Variants in TRPM4 observed in about 807,000 individuals in gnomAD.
TRPM4 encodes transient receptor potential cation channel subfamily M member 4.
A neutral mutation model predicts 135.6 loss-of-function variants in TRPM4; 124 were observed. That is an observed-to-expected ratio of 0.91 (90% CI 0.79 to 1.06). The LOEUF is 1.06. Ranked by LOEUF, TRPM4 falls within the 50% of genes least tolerant of loss-of-function variation. The probability of loss-of-function intolerance (pLI) is 0.00; values close to 1 mark genes in which losing one functional copy is unlikely to be tolerated. For synonymous variants in TRPM4, 745 were observed against 705.6 expected, an observed-to-expected ratio of 1.06 and a Z score of -0.88; for missense variants, 1,658 against 1,671.4, an observed-to-expected ratio of 0.99 and a Z score of 0.14.
intron 16 of TRPM4, among the ~76,000 whole-genome samples, chr19:49,194,974 C>A (rs370828893): frequency 1.3e-5 from 2 of 150,348 alleles, no homozygotes; most frequent in Non-Finnish European, 3.0e-5. Flanking sequence ...GTTGCCCAGG[C>A]TGGTGTTGAA....
chr19:49,158,350 C>A lies in TRPM4; in HGVS notation c.92+91C>A. On this transcript the variant is annotated intron_variant, in intron 2 of 24. Transcript: ENST00000252826. The stretch of plus-strand genomic sequence containing the variant: ...TCACGCCCCAGCCCTGCTCCTTCCC[C>A]ATTCCTGGACTCGGGGACCTTCCCA... 2.5e-6 allele frequency: 3 copies of A among 1,195,570 alleles called. No homozygotes were observed. The South Asian group carries it at 3.6e-5, about 14-fold the overall frequency. The allele number at this position is 1,195,570 out of a possible 1,614,324, so 74.1% of individuals were successfully genotyped here.
intron 17 of TRPM4, 29 bp downstream of exon 17, chr19:49,196,903 G>A (rs758541742): frequency 1.3e-6 from 2 of 1,546,630 alleles, no homozygotes; most frequent in Non-Finnish European, 1.7e-6. Context: ...TGGAACCCTG[G>A]CCCCTGGCCA....
chr19:49,180,821 C>G (rs964668947), intron 9 of TRPM4, among the ~76,000 whole-genome samples: 1 of 152,002 alleles, frequency 6.6e-6, no homozygotes, highest in African/African-American at 2.4e-5. Context: ...TCTATCCACC[C>G]TGTACATCCA....
Position 49,210,667 on chromosome 19 carries a change from A to C in TRPM4, c.3329-43A>C. The C allele has an allele frequency of 6.2e-7, 1 of 1,613,620 alleles. No homozygotes were observed. The highest frequency in any genetic ancestry group is 8.5e-7 in the Non-Finnish European group (1 of 1,179,938). On this transcript the variant is annotated intron_variant, in intron 21 of 24. Coordinates refer to ENST00000252826, the MANE Select transcript of TRPM4 (RefSeq NM_017636.4). The surrounding 1 kb of genome is among the most constrained non-coding windows in gnomAD (Gnocchi z 4.1). The stretch of plus-strand genomic sequence containing the variant: ...GTCGGAAGGGGCAGCTGGGATTGGG[A>C]AGGGGCGTGGCCTGAGCCCTTTGAC...
intron 10 of TRPM4, 142 bp from the exon 11 acceptor site, chr19:49,182,436 T>TCATCCATCCATCCACCCATCCATC (rs1968004724): frequency 1.6e-6 from 1 of 637,916 alleles, no homozygotes; most frequent in African/African-American, 2.8e-5. Flanking sequence ...ACCTATCCAT[T>TCATCCATCCATCCACCCATCCATC]CATCCATCCA....
intron 2 of TRPM4, among the ~76,000 whole-genome samples, chr19:49,160,253 G>A (rs773688232): frequency 6.6e-6 from 1 of 152,222 alleles, no homozygotes; most frequent in Admixed American, 6.5e-5. Flanking sequence ...CAATCTGGGA[G>A]GCCGAGGCGG....
chr19:49,189,202 C>T lies in TRPM4; in HGVS notation c.2019+111C>T, dbSNP rs371123353. 2.3e-4 allele frequency: 341 copies of T among 1,471,652 alleles called. 3 individuals are homozygous for T. The African/African-American group carries it at 4.0e-3, about 17-fold the overall frequency. The allele number at this position is 1,471,652 out of a possible 1,614,324, so 91.2% of individuals were successfully genotyped here. Reference sequence around the variant, plus strand: ...CTATGGTCTTGACCAGCCACTCTCCCTGGAGATCCCCCAGAAAGTCTCTCT... The same window carrying T: ...CTATGGTCTTGACCAGCCACTCTCCTTGGAGATCCCCCAGAAAGTCTCTCT... On this transcript the variant is annotated intron_variant, in intron 14 of 24. Transcript: ENST00000252826.
chr19:49,189,705 G>A (rs2122991009), intron 14 of TRPM4, among the ~76,000 whole-genome samples: 1 of 152,172 alleles, frequency 6.6e-6, no homozygotes, highest in South Asian at 2.1e-4. Context: ...AATCTGACAG[G>A]GGCTCAGAGT....
In TRPM4 at chr19:49,190,191, C is replaced by T; in HGVS notation, c.2020-17C>T. 1 of 1,609,272 alleles carries T rather than the reference C, an allele frequency of 6.2e-7. No homozygotes were observed. The highest frequency in any genetic ancestry group is 8.5e-7 in the Non-Finnish European group (1 of 1,175,606). The stretch of plus-strand genomic sequence containing the variant: ...TGTGGGGGAGATTTGGATCCTAATC[C>T]TTCCCACCCCCCACAGTCTCTGCTG... On this transcript the variant is annotated splice_polypyrimidine_tract_variant and intron_variant, in intron 14 of 24. Coordinates refer to ENST00000252826, the MANE Select transcript of TRPM4 (RefSeq NM_017636.4).
rs760314477 is a variant in TRPM4 at position 49,168,319 on chromosome 19, G to A, written c.508G>A (p.Val170Ile). Residue 170 changes from valine (V) to isoleucine (I), a missense_variant, in exon 5 of 25, where the codon GTA becomes ATA. By Grantham distance (29) the Val-to-Ile change is conservative. This residue lies in a region of TRPM4 where 239 missense variants were observed against 240.1 expected (regional missense o/e 1.00). Transcript: ENST00000252826. ...CATCGGCCGGCATGTTGGTGTGGCT[G>A]TACGGGACCATCAGATGGCCAGCAC... ...TGIGRHVGVA[V>I]RDHQMASTGG... 1.9e-6 allele frequency: 3 copies of A among 1,614,160 alleles called. No homozygotes were observed. Among genetic ancestry groups the A allele is most frequent in the Non-Finnish European group, 2.5e-6 (3 of 1,180,040 alleles).
chr19:49,211,620 C>A lies in TRPM4; in HGVS notation c.*122C>A. On this transcript the variant is annotated 3_prime_UTR_variant, in exon 25 of 25. Coordinates refer to ENST00000252826, the MANE Select transcript of TRPM4 (RefSeq NM_017636.4). This position sits in a 1 kb window ranked among gnomAD's most constrained non-coding sequence, Gnocchi z 4.8. ...TCCTTGAGGTGAGCCCCATGTCCAT[C>A]TGGGCCACTGTCAGGACCACCTTTG... The A allele has an allele frequency of 7.0e-6, 9 of 1,282,970 alleles. No individual in the cohort carries two copies. Among genetic ancestry groups the A allele is most frequent in the South Asian group, 1.2e-5 (1 of 84,296 alleles). The allele number at this position is 1,282,970 out of a possible 1,614,324, so 79.5% of individuals were successfully genotyped here.
At chr19:49,203,475 G>A (rs776157097) in intron 20 of TRPM4, among the ~76,000 whole-genome samples, 8 of 152,152 alleles carry the variant, frequency 5.3e-5, no homozygotes, top group Admixed American at 1.3e-4. Flanking sequence ...CACCGCGGCC[G>A]GAGTTGATTT....
chr19:49,190,428 C>T, intron 15 of TRPM4, 108 bp downstream of exon 15: 3 of 1,046,826 alleles, frequency 2.9e-6, no homozygotes, highest in Non-Finnish European at 4.4e-6. Context: ...TGTGTCCCTT[C>T]CCTAGGAATG....
intron 17 of TRPM4, among the ~76,000 whole-genome samples, chr19:49,199,333 A>G (rs959935043): frequency 6.6e-6 from 1 of 151,992 alleles, no homozygotes; most frequent in Non-Finnish European, 1.5e-5. Flanking sequence ...ATCTCGGCTC[A>G]CTGCAACCTC....
Position 49,171,451 on chromosome 19 carries a change from G to T in TRPM4, c.858+33G>T. The T allele has an allele frequency of 1.2e-6, 2 of 1,613,872 alleles. No individual in the cohort carries two copies. The highest frequency in any genetic ancestry group is 1.7e-6 in the Non-Finnish European group (2 of 1,179,848). On this transcript the variant is annotated intron_variant, in intron 7 of 24. Transcript: ENST00000252826. The surrounding 1 kb of genome is among the most constrained non-coding windows in gnomAD (Gnocchi z 4.7). ...GGCCCGGATGCCCGGATCTAAGGGGGAAGGAGGGTTGGGGGCCAGGACTCC... is the reference window on the plus strand; with the variant it reads ...GGCCCGGATGCCCGGATCTAAGGGGTAAGGAGGGTTGGGGGCCAGGACTCC...
chr19:49,177,854 G>A (rs954053903), intron 9 of TRPM4, among the ~76,000 whole-genome samples: 4 of 152,142 alleles, frequency 2.6e-5, no homozygotes, highest in Non-Finnish European at 5.9e-5. Context: ...CATTGCAAGG[G>A]GCATGTTTGG....
rs554934250 is a variant in TRPM4 at position 49,211,621 on chromosome 19, T to A, written c.*123T>A. 1 of 1,283,592 alleles carries A rather than the reference T, an allele frequency of 7.8e-7. No individual in the cohort carries two copies. Among genetic ancestry groups the A allele is most frequent in the Non-Finnish European group, 1.1e-6 (1 of 887,096 alleles). The allele number at this position is 1,283,592 out of a possible 1,614,324, so 79.5% of individuals were successfully genotyped here. A position where few individuals can be genotyped will look rare whatever the true frequency, so the allele number is the denominator to read the frequency against. On this transcript the variant is annotated 3_prime_UTR_variant, in exon 25 of 25. Transcript: ENST00000252826. This position sits in a 1 kb window ranked among gnomAD's most constrained non-coding sequence, Gnocchi z 4.8. ...CCTTGAGGTGAGCCCCATGTCCATC[T>A]GGGCCACTGTCAGGACCACCTTTGG...
intron 2 of TRPM4, among the ~76,000 whole-genome samples, chr19:49,160,773 G>A (rs569238656): frequency 6.6e-6 from 1 of 152,208 alleles, no homozygotes; most frequent in South Asian, 2.1e-4. Context: ...AGGATGAACA[G>A]GAGCTCGGGA....
chr19:49,194,235 C>A (rs913313158), intron 16 of TRPM4, among the ~76,000 whole-genome samples: 1 of 151,952 alleles, frequency 6.6e-6, no homozygotes, highest in African/African-American at 2.4e-5. Flanking sequence ...CCTCTGCCTT[C>A]TCTTCATCCT....
Sources: allele counts gnomAD v4.1 joint callset (sites outside exome capture counted in the v4.1 genomes callset), GRCh38; gene constraint gnomAD v4.1.1; regional missense constraint gnomAD v4.1.1; non-coding constraint Gnocchi (gnomAD v3.1); transcripts MANE v1.5; gene names NCBI Gene and HGNC (gene_info 2026-07-23, HGNC 2026-07-21).